RBM33: variants seen among roughly 807,000 people sequenced by gnomAD.
RBM33 encodes RNA binding motif protein 33, also known as RNA-binding protein 33.
RBM33 carries 28 observed loss-of-function variants against 132.6 expected under a neutral mutation model. That is an observed-to-expected ratio of 0.21 (90% confidence interval 0.16 to 0.29). The LOEUF (loss-of-function observed/expected upper bound fraction) is 0.29, where lower values mean the gene tolerates loss of function less well. Among genes scored for constraint, RBM33 ranks in the 10% least tolerant of loss-of-function variants. RBM33 has a pLI of 1.00. For missense variants in RBM33, 1,291 were observed against 1,518.5 expected (o/e 0.85, Z 2.49); for synonymous variants, 634 against 593.0 (o/e 1.07, Z -1.01).
intron 5 of RBM33, among the ~76,000 whole-genome samples, chr7:155,696,990 G>A (rs1477023326): frequency 6.6e-6 from 1 of 152,140 alleles, no homozygotes; most frequent in Admixed American, 6.5e-5. Flanking sequence ...TGTGCCACTG[G>A]GCGCATGACA....
At chr7:155,669,378 T>C (rs571378682) in intron 2 of RBM33, among the ~76,000 whole-genome samples, 68 of 152,332 alleles carry the variant, frequency 4.5e-4, no homozygotes, top group South Asian at 4.1e-4. Context: ...TTGTTTTTGT[T>C]TTTTTGAGAC....
chr7:155,656,984 A>G (rs1433708973), intron 1 of RBM33, among the ~76,000 whole-genome samples: 2 of 143,004 alleles, frequency 1.4e-5, no homozygotes, highest in African/African-American at 2.6e-5. Context: ...TTTGTCTTGT[A>G]TGTCAGTTGT....
At chr7:155,749,696 C>G (rs1181814673) in intron 14 of RBM33, among the ~76,000 whole-genome samples, 1 of 152,198 alleles carries the variant, frequency 6.6e-6, no homozygotes, top group Non-Finnish European at 1.5e-5. Context: ...GGATTTGATA[C>G]ATGAAAACGC....
At chr7:155,771,866 A>T (rs1211961619) in intron 16 of RBM33, among the ~76,000 whole-genome samples, 1 of 152,098 alleles carries the variant, frequency 6.6e-6, no homozygotes, top group East Asian at 1.9e-4. Context: ...CAGCCTTCTG[A>T]GTACCTAGGA....
chr7:155,766,147 T>C (rs1770372451), intron 15 of RBM33, among the ~76,000 whole-genome samples: 2 of 152,072 alleles, frequency 1.3e-5, no homozygotes, highest in African/African-American at 4.8e-5. Context: ...GCAGCAAGTT[T>C]CTCAGCCCTG....
intron 5 of RBM33, among the ~76,000 whole-genome samples, chr7:155,688,553 G>A (rs914921481): frequency 6.6e-6 from 1 of 152,044 alleles, no homozygotes; most frequent in Non-Finnish European, 1.5e-5. Context: ...CTGTCTTGTG[G>A]CAGTTTTCAA....
chr7:155,725,246 A>G (rs1800761087), intron 9 of RBM33, among the ~76,000 whole-genome samples: 1 of 132,622 alleles, frequency 7.5e-6, no homozygotes, highest in South Asian at 2.3e-4. Flanking sequence ...TACGGTATTC[A>G]TAGAGCATAT....
At chr7:155,675,752 A>G in intron 3 of RBM33, among the ~76,000 whole-genome samples, 1 of 152,186 alleles carries the variant, frequency 6.6e-6, no homozygotes, top group East Asian at 1.9e-4. Flanking sequence ...TTCTGTAAAG[A>G]GGAATTCTGG....
At chr7:155,695,588 T>C (rs1029759791) in intron 5 of RBM33, among the ~76,000 whole-genome samples, 2 of 151,996 alleles carry the variant, frequency 1.3e-5, no homozygotes, top group African/African-American at 4.8e-5. Flanking sequence ...GCCTCCTGAG[T>C]AGCTGGGATT....
chr7:155,710,850 T>A (rs1800263065), intron 7 of RBM33, among the ~76,000 whole-genome samples: 1 of 151,672 alleles, frequency 6.6e-6, no homozygotes, highest in Admixed American at 6.6e-5. Flanking sequence ...TGGCAGCTGC[T>A]CTTCTGTCCC....
In RBM33 at chr7:155,706,846, A is replaced by T; in HGVS notation, c.740-14A>T. On this transcript the variant is annotated splice_polypyrimidine_tract_variant and intron_variant, in intron 6 of 17. Coordinates refer to ENST00000401878, the MANE Select transcript of RBM33 (RefSeq NM_053043.3). ...CTCGGAAAGTAACTAACACATACAC[A>T]TTTTTTCACATAGAGCTTTCAGCAG... 2 of 1,584,476 alleles carry T rather than the reference A, an allele frequency of 1.3e-6. No individual in the cohort carries two copies. The highest frequency in any genetic ancestry group is 1.7e-6 in the Non-Finnish European group (2 of 1,165,148).
At position 155,686,604 on chromosome 7, in the gene RBM33, T is replaced by C. The variant is rs1304118605; in HGVS notation, c.567+5696T>C. On this transcript the variant is annotated intron_variant, in intron 5 of 17. Coordinates refer to ENST00000401878, the MANE Select transcript of RBM33 (RefSeq NM_053043.3). ...ATTAACTCGTCGTTTACATTAGGTA[T>C]ATCTCCTAATGCTGTCCCTCCCCGC... Among the ~76,000 whole-genome samples the C allele has an allele frequency of 2.6e-5, 4 of 152,134 alleles. No individual in the cohort carries two copies. In the East Asian group the frequency reaches 7.7e-4, roughly 29 times the overall value.
chr7:155,760,761 G>A (rs955793911), intron 14 of RBM33, among the ~76,000 whole-genome samples: 2 of 152,180 alleles, frequency 1.3e-5, no homozygotes, highest in Non-Finnish European at 1.5e-5. Context: ...GATACAGACT[G>A]AAAAATTGTG....
rs889381636 is a variant in RBM33, at chr7:155,745,064, A to G, written c.2441A>G (p.Gln814Arg). The G allele has an allele frequency of 6.2e-7, 1 of 1,607,178 alleles. No individual in the cohort carries two copies. The highest frequency in any genetic ancestry group is 1.7e-5 in the Admixed American group (1 of 58,734). ...AAACAGAAGGAGTTACGGCGGCAGC[A>G]GCAGGCTGGTGCCAGGAAGAAGGAG... ...ILKQKELRRQ[Q>R]QAGARKKELL... The change falls in exon 14 of 18, where the codon CAG becomes CGG. Residue 814 changes from glutamine to arginine, a missense_variant. Coordinates refer to ENST00000401878, the MANE Select transcript of RBM33 (RefSeq NM_053043.3). This position sits in a 1 kb window ranked among gnomAD's most constrained non-coding sequence, Gnocchi z 4.1.
intron 14 of RBM33, among the ~76,000 whole-genome samples, chr7:155,762,044 A>G (rs569676306): frequency 4.1e-4 from 63 of 152,336 alleles, no homozygotes; most frequent in Middle Eastern, 3.4e-3. Flanking sequence ...TGCGTAGCTT[A>G]GTGGCCAGCC....
intron 6 of RBM33, among the ~76,000 whole-genome samples, chr7:155,702,746 G>A (rs1800004258): frequency 6.6e-6 from 1 of 152,178 alleles, no homozygotes; most frequent in South Asian, 2.1e-4. Context: ...AACTGGGGAG[G>A]GATGGAGGAA....
intron 8 of RBM33, among the ~76,000 whole-genome samples, chr7:155,715,613 A>T (rs559549622): frequency 1.3e-5 from 2 of 152,340 alleles, no homozygotes; most frequent in African/African-American, 4.8e-5. Flanking sequence ...TCTCACCATG[A>T]AACTAGGAGC....
Position 155,745,576 on chromosome 7 carries a change from G to C in RBM33, c.2953G>C (p.Val985Leu). Residue 985 changes from valine to leucine, a missense_variant, in exon 14 of 18, where the codon GTC (valine) becomes CTC (leucine). Val to Leu is a conservative substitution (Grantham distance 32, BLOSUM62 1). This residue lies in a region of RBM33 where 841 missense variants were observed against 912.0 expected (regional missense o/e 0.92). Transcript: ENST00000401878. The surrounding 1 kb of genome is among the most constrained non-coding windows in gnomAD (Gnocchi z 4.1). Reference sequence around the variant, plus strand: ...AGACGGGCCCCACATCAGCTCCAAGGTCAGGGTGATTAAGCTGTCAGGTGG... The same window carrying C: ...AGACGGGCCCCACATCAGCTCCAAGCTCAGGGTGATTAAGCTGTCAGGTGG... Reference protein sequence around the residue: ...GGDGPHISSKVRVIKLSGGGG... With the variant: ...GGDGPHISSKLRVIKLSGGGG... The C allele has an allele frequency of 6.2e-7, 1 of 1,600,116 alleles. No individual in the cohort carries two copies. Among genetic ancestry groups the C allele is most frequent in the South Asian group, 1.1e-5 (1 of 89,050 alleles).
chr7:155,719,666 G>A (rs1466994071), intron 9 of RBM33, among the ~76,000 whole-genome samples: 3 of 152,178 alleles, frequency 2.0e-5, no homozygotes, highest in Non-Finnish European at 4.4e-5. Context: ...AGGCTGACAT[G>A]TATGATTTTA....
Sources: allele counts gnomAD v4.1 joint callset (sites outside exome capture counted in the v4.1 genomes callset), GRCh38; gene constraint gnomAD v4.1.1; regional missense constraint gnomAD v4.1.1; non-coding constraint Gnocchi (gnomAD v3.1); transcripts MANE v1.5; gene names NCBI Gene and HGNC (gene_info 2026-07-23, HGNC 2026-07-21).